RNPC3: variants seen among roughly 807,000 people sequenced by gnomAD.
RNPC3 encodes the protein RNA binding region (RNP1, RRM) containing 3, also known as RNA-binding region-containing protein 3.
A neutral mutation model predicts 67.5 loss-of-function variants in RNPC3; 48 were observed. That is an observed-to-expected ratio of 0.71 (90% CI 0.56 to 0.90). The LOEUF (loss-of-function observed/expected upper bound fraction) is 0.90, where lower values mean the gene tolerates loss of function less well. RNPC3 is among the 40% of genes least tolerant of loss of function. The probability of loss-of-function intolerance (pLI) is 0.00; values close to 1 mark genes in which losing one functional copy is unlikely to be tolerated. For synonymous variants in RNPC3, 239 were observed against 210.3 expected (o/e 1.14, Z -1.18); for missense variants, 637 against 626.1 (o/e 1.02, Z -0.19).
Position 103,526,183 on chromosome 1 carries a change from T to C in RNPC3, c.113T>C (p.Leu38Pro). ...TLLVRHLPAELTAEEKEDLLK... is the reference protein window; with the variant it reads ...TLLVRHLPAEPTAEEKEDLLK... ...CTGGTCAGGCACCTGCCGGCTGAGC[T>C]TACTGCTGAGGAGAAAGAGGACTTG... Residue 38 changes from leucine to proline, a missense_variant, in exon 1 of 15, where the codon CTT becomes CCT. Around this residue, in one of 3 missense-constraint regions of RNPC3, gnomAD observed 536 missense variants for 500.3 expected, o/e 1.07. Coordinates refer to ENST00000423855, the MANE Select transcript of RNPC3 (RefSeq NM_017619.4). 1 of 1,551,486 alleles carries C rather than the reference T, an allele frequency of 6.4e-7. No individual in the cohort carries two copies. The highest frequency in any genetic ancestry group is 8.7e-7 in the Non-Finnish European group (1 of 1,146,884).
chr1:103,534,757 G>A lies in RNPC3; in HGVS notation c.360-17G>A. The A allele has an allele frequency of 2.8e-6, 4 of 1,444,046 alleles. No homozygotes were observed. Among genetic ancestry groups the A allele is most frequent in the Non-Finnish European group, 3.7e-6 (4 of 1,077,430 alleles). 89.5% of individuals were successfully genotyped at this position (1,444,046 alleles called of 1,614,324 possible). A position where few individuals can be genotyped will look rare whatever the true frequency, so the allele number is the denominator to read the frequency against. Reference sequence around the variant, plus strand: ...CCTTTGGAAAGATAAGATTAACTTTGATTCTGTATGTCCCAGGTCTGATGA... The same window carrying A: ...CCTTTGGAAAGATAAGATTAACTTTAATTCTGTATGTCCCAGGTCTGATGA... On this transcript the variant is annotated splice_polypyrimidine_tract_variant and intron_variant, in intron 3 of 14. Coordinates refer to ENST00000423855, the MANE Select transcript of RNPC3 (RefSeq NM_017619.4).
intron 7 of RNPC3, among the ~76,000 whole-genome samples, chr1:103,540,697 G>A (rs1485695564): frequency 6.6e-6 from 1 of 152,042 alleles, no homozygotes; most frequent in African/African-American, 2.4e-5. Flanking sequence ...AGTAGAGCTG[G>A]GACTAGCGGT....
chr1:103,549,752 A>G (rs1042929603), intron 12 of RNPC3, among the ~76,000 whole-genome samples: 3 of 152,216 alleles, frequency 2.0e-5, no homozygotes, highest in Admixed American at 1.3e-4. Flanking sequence ...GATCTTAGCT[A>G]TCTGCTTTGA....
intron 14 of RNPC3, chr1:103,552,170 G>A (rs1242581793): frequency 1.3e-5 from 2 of 153,988 alleles, no homozygotes; most frequent in Non-Finnish European, 2.9e-5. Context: ...TCTGATGTGG[G>A]GACCTAGGGA....
chr1:103,534,837 T>A lies in RNPC3; in HGVS notation c.423T>A (p.Asn141Lys). Residue 141 changes from asparagine (N) to lysine (K), a missense_variant, in exon 4 of 15, where the codon AAT becomes AAA. Asn to Lys is a moderately conservative substitution (Grantham distance 94, BLOSUM62 0). Transcript: ENST00000423855. ...KKELGYLTVE[N>K]GIAPNHGLTF... The stretch of plus-strand genomic sequence containing the variant: ...AACTTGGTTATTTAACAGTAGAAAA[T>A]GGAATTGCACCAAACCATGGGTTAG... 1 of 1,532,368 alleles carries A rather than the reference T, an allele frequency of 6.5e-7. No homozygotes were observed. The highest frequency in any genetic ancestry group is 8.7e-7 in the Non-Finnish European group (1 of 1,144,170). The allele number at this position is 1,532,368 out of a possible 1,614,324, so 94.9% of individuals were successfully genotyped here.
intron 3 of RNPC3, 58 bp downstream of exon 3, chr1:103,533,915 A>T (rs6702324): frequency 0.61 from 560,935 of 915,052 alleles, 175,491 homozygotes; most frequent in African/African-American, 0.84. Context: ...GTGTTTTTTT[A>T]AATCAGTTAT....
At chr1:103,546,878 C>T (rs1651257575) in intron 11 of RNPC3, 99 bp from the exon 12 acceptor site, 7 of 612,184 alleles carry the variant, frequency 1.1e-5, no homozygotes, top group Non-Finnish European at 1.7e-5. Context: ...TACCTTAGTC[C>T]AGTATGACCT....
At chr1:103,543,954 T>C (rs1328538426) in intron 9 of RNPC3, among the ~76,000 whole-genome samples, 1 of 151,860 alleles carries the variant, frequency 6.6e-6, no homozygotes, top group African/African-American at 2.4e-5. Context: ...AGATTTTTTT[T>C]ACTTGTTTTA....
chr1:103,553,413 A>G (rs1033430711), intron 14 of RNPC3: 2 of 152,110 alleles, frequency 1.3e-5, no homozygotes, highest in Non-Finnish European at 2.9e-5. Flanking sequence ...CAGGTTAAGG[A>G]ATACTTTTTT....
intron 13 of RNPC3, 161 bp downstream of exon 13, chr1:103,551,234 GTTAT>G (rs965676555): frequency 3.0e-5 from 18 of 595,614 alleles, no homozygotes; most frequent in Non-Finnish European, 5.8e-6. Flanking sequence ...AGATGACAGT[GTTAT>G]TTAGATTTTT....
chr1:103,539,621 T>A (rs577217602), intron 7 of RNPC3, among the ~76,000 whole-genome samples: 1 of 152,344 alleles, frequency 6.6e-6, no homozygotes, highest in Non-Finnish European at 1.5e-5. Context: ...AGTGAGGAAT[T>A]CTGCCAGTAA....
At chr1:103,542,580 TGTTAGTA>T (rs1651147200) in intron 8 of RNPC3, among the ~76,000 whole-genome samples, 1 of 151,966 alleles carries the variant, frequency 6.6e-6, no homozygotes, top group African/African-American at 2.4e-5. Flanking sequence ...TATCCAAGAA[TGTTAGTA>T]GATATACCTT....
chr1:103,541,572 C>T, intron 8 of RNPC3, 97 bp downstream of exon 8: 1 of 1,228,424 alleles, frequency 8.1e-7, no homozygotes, highest in African/African-American at 1.6e-5. Context: ...TGTTTCCTGT[C>T]AGTGTTCTTG....
chr1:103,527,020 T>TA lies in RNPC3; in HGVS notation c.193-663dup, dbSNP rs879574251. Among the ~76,000 whole-genome samples, 834 of 146,496 alleles carry TA rather than the reference T, an allele frequency of 5.7e-3. 9 individuals are homozygous for TA. The highest frequency in any genetic ancestry group is 0.014 in the African/African-American group (565 of 40,252). The stretch of plus-strand genomic sequence containing the variant: ...TTAAATGTCACTTATGCCTGCAAAT[T>TA]AAAAAAAAAAAATTATATATGGCTC... On this transcript the variant is annotated intron_variant, in intron 1 of 14. Coordinates refer to ENST00000423855, the MANE Select transcript of RNPC3 (RefSeq NM_017619.4).
At chr1:103,533,456 A>G (rs1421407244) in intron 2 of RNPC3, among the ~76,000 whole-genome samples, 1 of 152,058 alleles carries the variant, frequency 6.6e-6, no homozygotes, top group Non-Finnish European at 1.5e-5. Flanking sequence ...AAGTGAGGCC[A>G]GGGAAATTTG....
intron 12 of RNPC3, among the ~76,000 whole-genome samples, chr1:103,549,983 G>A (rs1651345889): frequency 6.6e-6 from 1 of 151,820 alleles, no homozygotes; most frequent in East Asian, 2.0e-4. Flanking sequence ...GGCCTATATA[G>A]TGAAACCCCA....
chr1:103,529,822 A>G (rs1178158016), intron 2 of RNPC3, among the ~76,000 whole-genome samples: 1 of 152,086 alleles, frequency 6.6e-6, no homozygotes, highest in Non-Finnish European at 1.5e-5. Flanking sequence ...CCTAACCACC[A>G]CCTGTTAGAA....
rs1327284064 is a variant in RNPC3, at chr1:103,536,261, T to C, written c.624+67T>C. The C allele has an allele frequency of 2.7e-6, 3 of 1,124,366 alleles. No individual in the cohort carries two copies. The African/African-American group carries it at 4.6e-5, about 17-fold the overall frequency. 69.6% of individuals were successfully genotyped at this position (1,124,366 alleles called of 1,614,324 possible). A position where few individuals can be genotyped will look rare whatever the true frequency, so the allele number is the denominator to read the frequency against. On this transcript the variant is annotated intron_variant, in intron 6 of 14. Coordinates refer to ENST00000423855, the MANE Select transcript of RNPC3 (RefSeq NM_017619.4). ...CTGAATGGGATTATTGAGGCTGAAT[T>C]ATACAGGTGTTGTAGCAACCTCTGA...
chr1:103,539,981 G>A (rs1055028980), intron 7 of RNPC3, among the ~76,000 whole-genome samples: 1 of 152,100 alleles, frequency 6.6e-6, no homozygotes, highest in Non-Finnish European at 1.5e-5. Context: ...GCCCGCATCA[G>A]TCCCAGTAGC....
Sources: allele counts gnomAD v4.1 joint callset (sites outside exome capture counted in the v4.1 genomes callset), GRCh38; gene constraint gnomAD v4.1.1; regional missense constraint gnomAD v4.1.1; transcripts MANE v1.5; gene names NCBI Gene and HGNC (gene_info 2026-07-23, HGNC 2026-07-21).